PRKG1: variants seen among roughly 807,000 people sequenced by gnomAD.
PRKG1 encodes the protein cGMP-dependent protein kinase 1.
Under a neutral mutation model 88.1 loss-of-function variants are expected in PRKG1, and 35 were observed. The ratio of observed to expected loss-of-function variants is 0.40; its 90% CI spans 0.30 to 0.53. The LOEUF is 0.53. PRKG1 is among the 20% of genes least tolerant of loss of function. The pLI, the probability that PRKG1 is intolerant of heterozygous loss-of-function variation, is 0.59. For synonymous variants in PRKG1, 303 were observed against 292.5 expected, an observed-to-expected ratio of 1.04 and a Z score of -0.37; for missense variants, 540 against 839.8, an observed-to-expected ratio of 0.64 and a Z score of 4.41.
intron 3 of PRKG1, among the ~76,000 whole-genome samples, chr10:51,785,813 A>G (rs774498007): frequency 7.2e-5 from 11 of 152,166 alleles, no homozygotes; most frequent in Non-Finnish European, 1.3e-4. Flanking sequence ...TGATTAAGAA[A>G]GCACTCATTA....
intron 9 of PRKG1, among the ~76,000 whole-genome samples, chr10:52,200,038 T>G (rs1030983370): frequency 6.6e-6 from 1 of 152,154 alleles, no homozygotes; most frequent in Non-Finnish European, 1.5e-5. Flanking sequence ...TTATCCTCAT[T>G]TTCTTGTTTT....
chr10:51,810,219 AT>A (rs1284575287), intron 4 of PRKG1, among the ~76,000 whole-genome samples: 4 of 152,194 alleles, frequency 2.6e-5, no homozygotes, highest in Admixed American at 2.6e-4. Flanking sequence ...GACTTTGAAG[AT>A]TTTTGGTGAT....
At chr10:51,710,199 C>A (rs899923758) in intron 3 of PRKG1, among the ~76,000 whole-genome samples, 1 of 152,112 alleles carries the variant, frequency 6.6e-6, no homozygotes. Flanking sequence ...ACAGCTGTGC[C>A]TGCAAGGAGT....
In PRKG1 at chr10:52,280,929, T is replaced by A; in HGVS notation, c.1544T>A (p.Leu515Gln). The A allele has an allele frequency of 6.2e-7, 1 of 1,613,022 alleles. No individual in the cohort carries two copies. Among genetic ancestry groups the A allele is most frequent in the Non-Finnish European group, 8.5e-7 (1 of 1,179,346 alleles). Residue 515 changes from leucine (L) to glutamine (Q), a missense_variant and splice_region_variant, in exon 13 of 18, where the codon CTG becomes CAG. By Grantham distance (113) the Leu-to-Gln change is moderately radical. This residue lies in a region of PRKG1 where 97 missense variants were observed against 210.6 expected (regional missense o/e 0.46). Transcript: ENST00000373980. ...LILDHRGYAK[L>Q]VDFGFAKKIG... The stretch of plus-strand genomic sequence containing the variant: ...CTAGATCACCGAGGTTATGCCAAAC[T>A]GGTCAGTGCATTTCATACGTGCTTT...
At position 51,631,672 on chromosome 10, in the gene PRKG1, C is replaced by A. The variant is rs182074374; in HGVS notation, c.592+163836C>A. On this transcript the variant is annotated intron_variant, in intron 3 of 17. Coordinates refer to ENST00000373980, the MANE Select transcript of PRKG1 (RefSeq NM_006258.4). Reference sequence around the variant, plus strand: ...ACCTCTGATCATCAGGCATTAGATTCTCATAAGGAGCATGCAACCTAGATC... The same window carrying A: ...ACCTCTGATCATCAGGCATTAGATTATCATAAGGAGCATGCAACCTAGATC... Among the ~76,000 whole-genome samples, 96 of 152,340 alleles carry A rather than the reference C, an allele frequency of 6.3e-4. No individual in the cohort carries two copies. The East Asian group carries it at 8.5e-3, about 13-fold the overall frequency.
At chr10:51,477,793 G>T (rs1291366004) in intron 3 of PRKG1, among the ~76,000 whole-genome samples, 4 of 151,932 alleles carry the variant, frequency 2.6e-5, no homozygotes, top group Non-Finnish European at 5.9e-5. Context: ...AGATACAGAA[G>T]TATAAGAAAA....
At chr10:52,035,665 C>A in intron 5 of PRKG1, among the ~76,000 whole-genome samples, 1 of 152,052 alleles carries the variant, frequency 6.6e-6, no homozygotes, top group Non-Finnish European at 1.5e-5. Context: ...GGGCCAGGAA[C>A]AACGGTAATT....
At chr10:52,280,187 ATTGT>A (rs1841971372) in intron 12 of PRKG1, among the ~76,000 whole-genome samples, 1 of 152,150 alleles carries the variant, frequency 6.6e-6, no homozygotes, top group African/African-American at 2.4e-5. Flanking sequence ...GGAAATAGAT[ATTGT>A]TTGTTTTGGA....
intron 1 of PRKG1, among the ~76,000 whole-genome samples, chr10:51,135,087 TATG>T (rs989717572): frequency 1.1e-4 from 16 of 152,142 alleles, no homozygotes; most frequent in African/African-American, 3.9e-4. Flanking sequence ...TAAGTTTAAG[TATG>T]ATGACTTTTA....
chr10:52,032,591 C>G (rs1011306736), intron 5 of PRKG1, among the ~76,000 whole-genome samples: 1 of 152,008 alleles, frequency 6.6e-6, no homozygotes, highest in Non-Finnish European at 1.5e-5. Flanking sequence ...AATATTTAGT[C>G]ATATTGTATT....
intron 3 of PRKG1, among the ~76,000 whole-genome samples, chr10:51,724,990 G>C (rs760149129): frequency 6.6e-6 from 1 of 151,440 alleles, no homozygotes; most frequent in Admixed American, 6.6e-5. Flanking sequence ...GATTGCAGGC[G>C]TGAGCCACTG....
At chr10:51,089,048 C>G (rs1479456908) in intron 1 of PRKG1, among the ~76,000 whole-genome samples, 2 of 152,132 alleles carry the variant, frequency 1.3e-5, no homozygotes, top group Non-Finnish European at 2.9e-5. Context: ...TCAACTAGCC[C>G]ATACCCCTTG....
At chr10:51,381,256 T>TAAAAAAAAAAAA (rs71029366) in intron 2 of PRKG1, among the ~76,000 whole-genome samples, 4 of 32,056 alleles carry the variant, frequency 1.2e-4, no homozygotes, top group Non-Finnish European at 1.8e-4. Context: ...GCCTCCATCT[T>TAAAAAAAAAAAA]AAAAAAAAAA....
intron 3 of PRKG1, among the ~76,000 whole-genome samples, chr10:51,486,484 T>C (rs1028358837): frequency 6.6e-6 from 1 of 152,198 alleles, no homozygotes; most frequent in African/African-American, 2.4e-5. Context: ...CTTACCTTAA[T>C]AAAGTGGCTT....
intron 9 of PRKG1, among the ~76,000 whole-genome samples, chr10:52,218,080 C>A (rs1430731114): frequency 6.6e-6 from 1 of 151,444 alleles, no homozygotes; most frequent in Admixed American, 6.6e-5. Context: ...GGCGTGGTGG[C>A]ACACGTCTGT....
At chr10:51,187,051 T>A (rs2132034687) in intron 2 of PRKG1, among the ~76,000 whole-genome samples, 1 of 150,312 alleles carries the variant, frequency 6.7e-6, no homozygotes, top group East Asian at 1.9e-4. Context: ...GAAGTGGAAA[T>A]TTTAATTAAA....
chr10:51,520,228 A>G (rs1377468902), intron 3 of PRKG1, among the ~76,000 whole-genome samples: 3 of 149,568 alleles, frequency 2.0e-5, no homozygotes, highest in African/African-American at 4.9e-5. Flanking sequence ...AATTAAATGT[A>G]TATTGTGTAT....
chr10:51,588,558 G>A (rs7895971), intron 3 of PRKG1, among the ~76,000 whole-genome samples: 3 of 152,020 alleles, frequency 2.0e-5, no homozygotes, highest in South Asian at 2.1e-4. Flanking sequence ...TGGACTTTGC[G>A]ATTTTTAACA....
chr10:51,011,774 A>G (rs993572918), intron 1 of PRKG1, among the ~76,000 whole-genome samples: 1 of 152,204 alleles, frequency 6.6e-6, no homozygotes, highest in Non-Finnish European at 1.5e-5. Flanking sequence ...TAACAGGGAC[A>G]GTTATTTGTA....
Sources: allele counts gnomAD v4.1 joint callset (sites outside exome capture counted in the v4.1 genomes callset), GRCh38; gene constraint gnomAD v4.1.1; regional missense constraint gnomAD v4.1.1; transcripts MANE v1.5; gene names NCBI Gene and HGNC (gene_info 2026-07-23, HGNC 2026-07-21).